ERC2: variants seen among roughly 807,000 people sequenced by gnomAD.
ERC2 encodes ERC protein 2.
A neutral mutation model predicts 114.8 loss-of-function variants in ERC2; 42 were observed. The ratio of observed to expected loss-of-function variants is 0.37; its 90% CI spans 0.29 to 0.47. The LOEUF (loss-of-function observed/expected upper bound fraction) is 0.47, where lower values mean the gene tolerates loss of function less well. Ranked by LOEUF, ERC2 falls within the 20% of genes least tolerant of loss-of-function variation. The pLI, the probability that ERC2 is intolerant of heterozygous loss-of-function variation, is 0.99. For synonymous variants in ERC2, 454 were observed against 425.5 expected (o/e 1.07, Z -0.82); for missense variants, 939 against 1,150.7 (o/e 0.82, Z 2.66).
At chr3:56,416,788 G>C (rs1429286351) in intron 2 of ERC2, among the ~76,000 whole-genome samples, 1 of 152,010 alleles carries the variant, frequency 6.6e-6, no homozygotes, top group Non-Finnish European at 1.5e-5. Context: ...ATACAGGCAG[G>C]AAGTTTTTTT....
At chr3:56,200,364 C>A (rs1295988030) in intron 3 of ERC2, among the ~76,000 whole-genome samples, 9 of 136,030 alleles carry the variant, frequency 6.6e-5, no homozygotes, top group African/African-American at 2.2e-4. Context: ...AAAAAAAAAA[C>A]TACCTAGTAT....
chr3:56,256,089 C>T (rs768877485), intron 3 of ERC2, among the ~76,000 whole-genome samples: 1 of 152,162 alleles, frequency 6.6e-6, no homozygotes. Context: ...GCAAATCAAA[C>T]GTAACTTGGT....
chr3:55,971,758 C>T lies in ERC2; in HGVS notation c.2267+14219G>A, dbSNP rs1404587993. Among the ~76,000 whole-genome samples the T allele has an allele frequency of 3.9e-5, 6 of 152,250 alleles. No homozygotes were observed. The East Asian group carries it at 9.6e-4, about 24-fold the overall frequency. ...TGAACAATCCTGGATATCCTACATA[C>T]ATCTTAATATATTGAAATTAAAATC... is the stretch of plus-strand genomic sequence containing the variant. On this transcript the variant is annotated intron_variant, in intron 12 of 17. Transcript: ENST00000288221.
intron 14 of ERC2, among the ~76,000 whole-genome samples, chr3:55,871,936 T>C (rs1200549337): frequency 6.6e-6 from 1 of 152,196 alleles, no homozygotes; most frequent in East Asian, 1.9e-4. Flanking sequence ...GGTGTCAAGA[T>C]GTTTATCTGA....
chr3:56,398,686 G>A (rs1033740606), intron 2 of ERC2, among the ~76,000 whole-genome samples: 2 of 151,906 alleles, frequency 1.3e-5, no homozygotes, highest in Non-Finnish European at 2.9e-5. Flanking sequence ...GTGCAGTAGC[G>A]GTATGATCAT....
At chr3:56,311,255 CTA>C (rs67320179) in intron 2 of ERC2, among the ~76,000 whole-genome samples, 25,133 of 75,342 alleles carry the variant, frequency 0.33, 3,752 homozygotes, top group East Asian at 0.43. Context: ...CTCTCTCTCT[CTA>C]TATATATATA....
intron 2 of ERC2, among the ~76,000 whole-genome samples, chr3:56,325,013 C>A (rs2057293676): frequency 6.6e-6 from 1 of 151,982 alleles, no homozygotes; most frequent in Non-Finnish European, 1.5e-5. Flanking sequence ...TACATTAAGA[C>A]CCCCACATAT....
At chr3:55,608,287 G>A (rs1292643932) in intron 17 of ERC2, among the ~76,000 whole-genome samples, 1 of 152,178 alleles carries the variant, frequency 6.6e-6, no homozygotes, top group Non-Finnish European at 1.5e-5. Context: ...ACAAAGAAAG[G>A]ATAGCTTCTT....
intron 2 of ERC2, among the ~76,000 whole-genome samples, chr3:56,422,694 T>C (rs1296719962): frequency 6.6e-6 from 1 of 152,198 alleles, no homozygotes; most frequent in East Asian, 1.9e-4. Context: ...GTTTGATGTT[T>C]TTCCCTTCAA....
At chr3:55,918,784 C>T (rs2065248899) in intron 13 of ERC2, among the ~76,000 whole-genome samples, 1 of 150,478 alleles carries the variant, frequency 6.6e-6, no homozygotes, top group Non-Finnish European at 1.5e-5. Flanking sequence ...CACATCAGAC[C>T]ATTCACTCAT....
rs921664249 is a variant in ERC2 at position 55,930,436 on chromosome 3, C to G, written c.2403+19989G>C. On this transcript the variant is annotated intron_variant, in intron 13 of 17. Coordinates refer to ENST00000288221, the MANE Select transcript of ERC2 (RefSeq NM_015576.3). ...GATCAATGGAACAGAACAGAGGCCT[C>G]AGAAATAACACCACACATCTACAAC... Among the ~76,000 whole-genome samples the G allele has an allele frequency of 4.6e-5, 7 of 152,068 alleles. No individual in the cohort carries two copies. The South Asian group carries it at 1.5e-3, about 32-fold the overall frequency.
chr3:55,849,913 T>C (rs1466161571), intron 14 of ERC2, among the ~76,000 whole-genome samples: 1 of 152,192 alleles, frequency 6.6e-6, no homozygotes, highest in African/African-American at 2.4e-5. Flanking sequence ...CATAATAAAT[T>C]ACCGCTATGG....
At chr3:56,041,090 T>C (rs1442041859) in intron 7 of ERC2, among the ~76,000 whole-genome samples, 1 of 152,126 alleles carries the variant, frequency 6.6e-6, no homozygotes, top group African/African-American at 2.4e-5. Context: ...CTCATCAAAA[T>C]TGTGATTTTT....
At chr3:55,735,119 C>A (rs2065545881) in intron 14 of ERC2, among the ~76,000 whole-genome samples, 1 of 152,090 alleles carries the variant, frequency 6.6e-6, no homozygotes, top group South Asian at 2.1e-4. Flanking sequence ...ACACTGCAGC[C>A]ACTGAGAGAG....
chr3:56,288,349 G>A (rs1000197763), intron 3 of ERC2, among the ~76,000 whole-genome samples: 31 of 152,250 alleles, frequency 2.0e-4, no homozygotes, highest in African/African-American at 6.5e-4. Context: ...TGAAGAGGAA[G>A]TAATCAGAGC....
chr3:56,311,447 C>T (rs1576382517), intron 2 of ERC2, among the ~76,000 whole-genome samples: 2 of 150,894 alleles, frequency 1.3e-5, no homozygotes, highest in African/African-American at 2.4e-5. Context: ...TACAGGTGCC[C>T]GCCACCACGC....
intron 2 of ERC2, among the ~76,000 whole-genome samples, chr3:56,343,188 T>TCACACACACACACA (rs1247948473): frequency 0.064 from 1,981 of 31,162 alleles, 17 homozygotes; most frequent in African/African-American, 0.1. Context: ...TCTCTCTCTC[T>TCACACACACACACA]CTCTCACACA....
chr3:55,628,437 C>G (rs1305000710), intron 17 of ERC2, among the ~76,000 whole-genome samples: 1 of 152,166 alleles, frequency 6.6e-6, no homozygotes, highest in Non-Finnish European at 1.5e-5. Context: ...TACATAGGGT[C>G]TTTTCAAAGA....
intron 17 of ERC2, among the ~76,000 whole-genome samples, chr3:55,550,860 C>CAA (rs1386217654): frequency 1.3e-5 from 2 of 151,636 alleles, no homozygotes; most frequent in East Asian, 2.0e-4. Flanking sequence ...ACTAAAAATA[C>CAA]AAAAAATTAG....
Sources: allele counts gnomAD v4.1 joint callset (sites outside exome capture counted in the v4.1 genomes callset), GRCh38; gene constraint gnomAD v4.1.1; transcripts MANE v1.5; gene names NCBI Gene and HGNC (gene_info 2026-07-23, HGNC 2026-07-21).